NBAS: variants seen among roughly 807,000 people sequenced by gnomAD.
NBAS encodes the protein NBAS subunit of NRZ tethering complex.
NBAS carries 219 observed loss-of-function variants against 302.5 expected under a neutral mutation model. The ratio of observed to expected loss-of-function variants is 0.72; its 90% CI spans 0.65 to 0.81. NBAS has a LOEUF of 0.81. Among genes scored for constraint, NBAS ranks in the 30% least tolerant of loss-of-function variants. The pLI is 0.00. For missense variants in NBAS, 2,932 were observed against 2,841.6 expected (o/e 1.03, Z -0.72); for synonymous variants, 1,118 against 1,021.6 (o/e 1.09, Z -1.80).
chr2:14,815,311 T>C, the NBAS span, among the ~76,000 whole-genome samples: 3 of 152,198 alleles, frequency 2.0e-5, no homozygotes, highest in Non-Finnish European at 4.4e-5. Flanking sequence ...GGCCCAAATG[T>C]GATTCAAACT....
chr2:15,487,635 C>T (rs1680687435), intron 12 of NBAS, among the ~76,000 whole-genome samples: 1 of 152,206 alleles, frequency 6.6e-6, no homozygotes, highest in Non-Finnish European at 1.5e-5. Context: ...CCTCAGTCAG[C>T]TCTTGAACAG....
At chr2:15,553,610 CT>C in intron 4 of NBAS, 137 bp from the exon 5 acceptor site, 1 of 819,168 alleles carries the variant, frequency 1.2e-6, no homozygotes. Flanking sequence ...ATCTTTTGAC[CT>C]TACAATTAGA....
chr2:15,067,941 AAG>A, the NBAS span, among the ~76,000 whole-genome samples: 12 of 152,338 alleles, frequency 7.9e-5, no homozygotes, highest in South Asian at 1.9e-3. Flanking sequence ...ACATAACTAA[AAG>A]AGTTTCAAGG....
chr2:15,555,848 T>TA (rs540501137), intron 3 of NBAS, among the ~76,000 whole-genome samples: 171 of 151,766 alleles, frequency 1.1e-3, no homozygotes, highest in Admixed American at 2.0e-3. Context: ...TCTCAATAAA[T>TA]AAAAAAAAGA....
At chr2:15,437,792 C>A (rs1449364394) in intron 21 of NBAS, among the ~76,000 whole-genome samples, 1 of 152,070 alleles carries the variant, frequency 6.6e-6, no homozygotes, top group Non-Finnish European at 1.5e-5. Flanking sequence ...TTGCTCCTGC[C>A]CTCAAGAAAC....
At chr2:15,393,402 G>C (rs1375901224) in intron 28 of NBAS, among the ~76,000 whole-genome samples, 1 of 152,006 alleles carries the variant, frequency 6.6e-6, no homozygotes, top group East Asian at 1.9e-4. Context: ...AAAACATACA[G>C]ATAGCAAATA....
the NBAS span, among the ~76,000 whole-genome samples, chr2:14,965,236 A>G: frequency 6.6e-6 from 1 of 152,172 alleles, no homozygotes; most frequent in East Asian, 1.9e-4. Flanking sequence ...AAAGCCAATC[A>G]ACGCAACTAA....
At chr2:14,983,730 G>C in the NBAS span, among the ~76,000 whole-genome samples, 2 of 152,240 alleles carry the variant, frequency 1.3e-5, no homozygotes, top group Admixed American at 1.3e-4. Context: ...CAGGGAAAGG[G>C]ATAGAAGAAA....
the NBAS span, among the ~76,000 whole-genome samples, chr2:14,880,580 G>T: frequency 6.6e-6 from 1 of 151,728 alleles, no homozygotes; most frequent in Non-Finnish European, 1.5e-5. Context: ...GTAAAAAGGA[G>T]GACAGATTGT....
the NBAS span, among the ~76,000 whole-genome samples, chr2:15,043,398 T>C: frequency 2.6e-5 from 4 of 152,162 alleles, no homozygotes; most frequent in Non-Finnish European, 5.9e-5. Context: ...TTGTCTTTCA[T>C]AGGAAATTTC....
In NBAS at chr2:15,190,302, T is replaced by C; in HGVS notation, c.6534A>G (p.Leu2178=). The part of the protein sequence containing the change: ...HHEAEFQHLV[L]LLQAWPPMKS... ...TCATAGGTGGCCAAGCTTGCAAAAGTAAAACCAAGTGCTGAAATTCAGCCT... is the reference window on the plus strand; with the variant it reads ...TCATAGGTGGCCAAGCTTGCAAAAGCAAAACCAAGTGCTGAAATTCAGCCT... The change falls in exon 49 of 52, where the codon TTA becomes TTG. Residue 2178 remains leucine (L), a synonymous_variant. Transcript: ENST00000281513. 1.2e-6 allele frequency: 2 copies of C among 1,613,966 alleles called. No individual in the cohort carries two copies. Among genetic ancestry groups the C allele is most frequent in the Non-Finnish European group, 1.7e-6 (2 of 1,179,920 alleles).
intron 31 of NBAS, among the ~76,000 whole-genome samples, chr2:15,369,186 GT>G (rs1674367492): frequency 6.6e-6 from 1 of 152,158 alleles, no homozygotes; most frequent in Admixed American, 6.5e-5. Flanking sequence ...AAAATCTGGA[GT>G]TTTCATAGCT....
intron 43 of NBAS, 37 bp from the exon 44 acceptor site, chr2:15,275,855 T>C: frequency 6.4e-7 from 1 of 1,571,400 alleles, no homozygotes; most frequent in Non-Finnish European, 8.7e-7. Context: ...AAGTGGTTCA[T>C]TCCAATGTAA....
chr2:14,846,723 G>A, the NBAS span, among the ~76,000 whole-genome samples: 1,945 of 152,162 alleles, frequency 0.013, 49 homozygotes, highest in African/African-American at 0.045. Context: ...GCTTGTTTAT[G>A]AAAAGAGAAT....
chr2:15,192,491 T>C (rs1180697010), intron 48 of NBAS, among the ~76,000 whole-genome samples: 2 of 152,072 alleles, frequency 1.3e-5, no homozygotes, highest in African/African-American at 2.4e-5. Context: ...GAAAATGATA[T>C]TGCCAAAAGA....
rs1040333828 is a variant in NBAS, at chr2:15,475,557, C to T, written c.1341+130G>A. The T allele has an allele frequency of 4.2e-6, 4 of 953,484 alleles. No individual in the cohort carries two copies. The African/African-American group carries it at 6.9e-5, about 17-fold the overall frequency. The allele number at this position is 953,484 out of a possible 1,614,324, so 59.1% of individuals were successfully genotyped here. A position where few individuals can be genotyped will look rare whatever the true frequency, so the allele number is the denominator to read the frequency against. On this transcript the variant is annotated intron_variant, in intron 14 of 51. Transcript: ENST00000281513. ...AAAAATGGATTTTTTATACTACAAC[C>T]ATTACCTGATTCCAATCACAGATTT...
chr2:15,039,292 G>A, the NBAS span, among the ~76,000 whole-genome samples: 1 of 152,196 alleles, frequency 6.6e-6, no homozygotes, highest in Admixed American at 6.5e-5. Context: ...AGTGGAAAAT[G>A]GGGATGTCTG....
intron 21 of NBAS, among the ~76,000 whole-genome samples, chr2:15,437,521 G>C (rs534890458): frequency 1.3e-5 from 2 of 152,176 alleles, no homozygotes; most frequent in Non-Finnish European, 2.9e-5. Flanking sequence ...TGAAGAGGGA[G>C]TGTTCTGATG....
At chr2:15,368,418 T>C (rs1322369565) in intron 31 of NBAS, among the ~76,000 whole-genome samples, 1 of 152,084 alleles carries the variant, frequency 6.6e-6, no homozygotes, top group African/African-American at 2.4e-5. Context: ...CAGGCTAGTC[T>C]AGAACTCCTG....
Sources: gnomAD v4.1 joint callset for allele counts (sites outside exome capture counted in the v4.1 genomes callset) on GRCh38, gnomAD v4.1.1 for gene constraint, MANE v1.5 for transcripts, NCBI Gene and HGNC (gene_info 2026-07-23, HGNC 2026-07-21) for gene names.